Variants in AKAP19 observed in about 807,000 individuals in gnomAD.
The protein encoded by AKAP19 is small A-kinase anchoring protein.
the AKAP19 span, among the ~76,000 whole-genome samples, chr2:190,069,172 G>GTGTGTGTGTGTGTC: frequency 6.9e-6 from 1 of 145,154 alleles, no homozygotes; most frequent in Non-Finnish European, 1.5e-5. Context: ...GTGTGTGTGT[G>GTGTGTGTGTGTGTC]TGTGAGAGAG....
chr2:190,151,499 T>C, the AKAP19 span, among the ~76,000 whole-genome samples: 2 of 152,234 alleles, frequency 1.3e-5, no homozygotes, highest in East Asian at 1.9e-4. Flanking sequence ...CTGAGGATAA[T>C]GGATTCCAGC....
chr2:190,028,142 A>G, the AKAP19 span, among the ~76,000 whole-genome samples: 1 of 152,042 alleles, frequency 6.6e-6, no homozygotes, highest in Non-Finnish European at 1.5e-5. Flanking sequence ...ATTCCCTGCT[A>G]TATGCTTCAG....
the AKAP19 span, chr2:189,917,651 A>G: frequency 3.3e-6 from 1 of 307,468 alleles, no homozygotes; most frequent in South Asian, 4.4e-5. Flanking sequence ...AGTTAGCTTC[A>G]GTTTCTATTT....
the AKAP19 span, among the ~76,000 whole-genome samples, chr2:190,052,977 G>A: frequency 6.6e-6 from 1 of 152,108 alleles, no homozygotes; most frequent in African/African-American, 2.4e-5. Context: ...TATTAAAGTT[G>A]ATCTTTAAGA....
chr2:190,027,512 G>A, the AKAP19 span, among the ~76,000 whole-genome samples: 1 of 152,154 alleles, frequency 6.6e-6, no homozygotes, highest in African/African-American at 2.4e-5. Context: ...GTACATATAA[G>A]TCTGCCACAG....
At chr2:189,884,622 AAAAAT>A in the AKAP19 span, among the ~76,000 whole-genome samples, 1 of 152,338 alleles carries the variant, frequency 6.6e-6, no homozygotes, top group East Asian at 1.9e-4. Flanking sequence ...TCCCCCATAA[AAAAAT>A]AAAATAAAAT....
the AKAP19 span, among the ~76,000 whole-genome samples, chr2:190,172,406 T>C: frequency 6.6e-6 from 1 of 152,230 alleles, no homozygotes; most frequent in Non-Finnish European, 1.5e-5. Flanking sequence ...ACATCCATGG[T>C]ATAGATCGTT....
the AKAP19 span, chr2:189,930,698 G>C: frequency 2.1e-6 from 1 of 487,712 alleles, no homozygotes; most frequent in South Asian, 2.7e-5. Context: ...AAAAGAAATT[G>C]AATTGGGTCC....
chr2:190,130,493 A>T, the AKAP19 span, among the ~76,000 whole-genome samples: 1 of 152,206 alleles, frequency 6.6e-6, no homozygotes, highest in East Asian at 1.9e-4. Flanking sequence ...ATGCAAAAAA[A>T]TTTTAAAAAG....
At chr2:189,969,668 G>A in the AKAP19 span, among the ~76,000 whole-genome samples, 1 of 146,930 alleles carries the variant, frequency 6.8e-6, no homozygotes, top group African/African-American at 2.5e-5. Flanking sequence ...GGCAGAGGTT[G>A]TGGTGAGCCA....
At chr2:189,930,930 G>C in the AKAP19 span, 1 of 716,038 alleles carries the variant, frequency 1.4e-6, no homozygotes, top group Non-Finnish European at 2.5e-6. Flanking sequence ...TAGTTCCCTC[G>C]CTAAAGCTAG....
the AKAP19 span, among the ~76,000 whole-genome samples, chr2:189,988,838 T>C: frequency 1.3e-5 from 2 of 152,360 alleles, no homozygotes; most frequent in African/African-American, 4.8e-5. Context: ...TTTCTCTCTA[T>C]TGGACAGAAG....
the AKAP19 span, among the ~76,000 whole-genome samples, chr2:189,951,464 A>C: frequency 1.3e-5 from 2 of 151,986 alleles, no homozygotes; most frequent in Non-Finnish European, 2.9e-5. Flanking sequence ...TGGCCTTCCA[A>C]AGTGCTGGGA....
At chr2:189,903,207 A>G in the AKAP19 span, among the ~76,000 whole-genome samples, 1,460 of 152,098 alleles carry the variant, frequency 9.6e-3, 25 homozygotes, top group African/African-American at 0.033. Context: ...AAAACTTTAA[A>G]TGCTGAATAT....
the AKAP19 span, among the ~76,000 whole-genome samples, chr2:189,969,093 A>T: frequency 1.3e-5 from 2 of 152,310 alleles, no homozygotes; most frequent in East Asian, 3.9e-4. Context: ...AAGCAGTACC[A>T]ATTTGCCTTT....
At chr2:189,909,158 C>G in the AKAP19 span, among the ~76,000 whole-genome samples, 1 of 151,686 alleles carries the variant, frequency 6.6e-6, no homozygotes, top group Admixed American at 6.6e-5. Flanking sequence ...TCTATTTTGT[C>G]TGATAGTAGA....
At chr2:189,976,156 G>T in the AKAP19 span, among the ~76,000 whole-genome samples, 7 of 152,078 alleles carry the variant, frequency 4.6e-5, no homozygotes, top group Admixed American at 4.6e-4. Context: ...ATGGGGTTTT[G>T]GTGTGGATGT....
the AKAP19 span, among the ~76,000 whole-genome samples, chr2:190,028,539 T>C: frequency 6.6e-6 from 1 of 152,176 alleles, no homozygotes; most frequent in East Asian, 1.9e-4. Context: ...ACCTTTTTTT[T>C]TAACTGAATT....
At chr2:190,176,442 G>A in the AKAP19 span, among the ~76,000 whole-genome samples, 1 of 152,160 alleles carries the variant, frequency 6.6e-6, no homozygotes, top group Non-Finnish European at 1.5e-5. This position sits in a 1 kb window ranked among gnomAD's most constrained non-coding sequence, Gnocchi z 4.7. Flanking sequence ...CCACCTCCCA[G>A]GTTCAAGCGA....
Sources: allele counts gnomAD v4.1 joint callset (sites outside exome capture counted in the v4.1 genomes callset), GRCh38; gene constraint gnomAD v4.1.1; non-coding constraint Gnocchi (gnomAD v3.1); transcripts MANE v1.5; gene names NCBI Gene and HGNC (gene_info 2026-07-23, HGNC 2026-07-21).